ZPBP: variants seen among roughly 807,000 people sequenced by gnomAD.
The protein encoded by ZPBP is zona pellucida binding protein.
In ZPBP, 26 loss-of-function variants were observed where a neutral mutation model predicts 44.8. That is an observed-to-expected ratio of 0.58 (90% confidence interval 0.43 to 0.81). ZPBP has a LOEUF of 0.81. ZPBP is among the 30% of genes least tolerant of loss of function. The pLI, the probability that ZPBP is intolerant of heterozygous loss-of-function variation, is 0.00. For synonymous variants in ZPBP, 174 were observed against 153.2 expected (o/e 1.14, Z -1.00); for missense variants, 409 against 434.0 (o/e 0.94, Z 0.51).
At chr7:50,027,711 C>G (rs1249769180) in intron 5 of ZPBP, among the ~76,000 whole-genome samples, 1 of 151,790 alleles carries the variant, frequency 6.6e-6, no homozygotes, top group Non-Finnish European at 1.5e-5. Flanking sequence ...CAAACATTCA[C>G]ATAGAGAAAT....
intron 3 of ZPBP, among the ~76,000 whole-genome samples, chr7:50,070,899 C>T (rs1801801459): frequency 6.6e-6 from 1 of 152,148 alleles, no homozygotes; most frequent in Admixed American, 6.5e-5. Context: ...GCTAGAAAAA[C>T]AGGGTCTTCA....
intron 7 of ZPBP, among the ~76,000 whole-genome samples, chr7:49,973,979 C>G (rs1209181114): frequency 6.6e-6 from 1 of 152,028 alleles, no homozygotes; most frequent in Non-Finnish European, 1.5e-5. Flanking sequence ...GAATTTAGTT[C>G]TCATACAGGC....
chr7:49,923,942 G>A (rs1486623257), intron 1 of ZPBP, among the ~76,000 whole-genome samples: 1 of 152,142 alleles, frequency 6.6e-6, no homozygotes, highest in Non-Finnish European at 1.5e-5. Context: ...TGGCCAACAT[G>A]GCGAAGCCCC....
intron 7 of ZPBP, chr7:49,942,460 T>A (rs1794929278): frequency 6.5e-6 from 1 of 154,392 alleles, no homozygotes; most frequent in South Asian, 2.0e-4. Context: ...GTGTTCTGCT[T>A]ATTTCCTTTT....
intron 7 of ZPBP, among the ~76,000 whole-genome samples, chr7:49,970,687 C>T (rs1796265474): frequency 6.6e-6 from 1 of 151,166 alleles, no homozygotes; most frequent in East Asian, 1.9e-4. Context: ...GGACATTAAA[C>T]AATACAATCA....
At chr7:49,953,364 T>C (rs1389056872) in intron 7 of ZPBP, among the ~76,000 whole-genome samples, 2 of 152,118 alleles carry the variant, frequency 1.3e-5, no homozygotes, top group Non-Finnish European at 1.5e-5. Context: ...TCTATTTTGA[T>C]AGCAATAGAG....
At chr7:49,898,178 GTA>G (rs1426051057) in intron 2 of ZPBP, among the ~76,000 whole-genome samples, 2 of 151,710 alleles carry the variant, frequency 1.3e-5, no homozygotes, top group African/African-American at 4.8e-5. Flanking sequence ...ATGTGTGTGT[GTA>G]TATATGTGTG....
intron 2 of ZPBP, among the ~76,000 whole-genome samples, chr7:49,861,184 C>A (rs1047519660): frequency 6.6e-6 from 1 of 152,126 alleles, no homozygotes; most frequent in African/African-American, 2.4e-5. Flanking sequence ...TTTTATTCTT[C>A]GTTATTGCTA....
chr7:49,908,068 T>C (rs549298649), intron 1 of ZPBP, among the ~76,000 whole-genome samples: 2 of 152,316 alleles, frequency 1.3e-5, no homozygotes, highest in African/African-American at 4.8e-5. Context: ...GTCAAAGAAA[T>C]ATATTTTGGG....
intron 6 of ZPBP, among the ~76,000 whole-genome samples, chr7:50,010,444 A>T (rs1798517508): frequency 6.6e-6 from 1 of 152,146 alleles, no homozygotes; most frequent in African/African-American, 2.4e-5. Flanking sequence ...AATAATCTTT[A>T]GCTTAAATCT....
chr7:50,030,932 T>C (rs190692384), intron 5 of ZPBP, among the ~76,000 whole-genome samples, 160 bp downstream of exon 5: 1 of 152,284 alleles, frequency 6.6e-6, no homozygotes. Flanking sequence ...AGAATTCTAT[T>C]TGAGGGGTTA....
intron 4 of ZPBP, among the ~76,000 whole-genome samples, chr7:50,035,700 TAC>T (rs767898960): frequency 1.3e-5 from 2 of 152,194 alleles, no homozygotes. Flanking sequence ...TTATAAGTGA[TAC>T]AGTTTTTTAC....
At chr7:49,974,422 C>G (rs116670487) in intron 7 of ZPBP, among the ~76,000 whole-genome samples, 1 of 151,518 alleles carries the variant, frequency 6.6e-6, no homozygotes, top group African/African-American at 2.4e-5. Context: ...AGAAACTGCT[C>G]AAAAAATAAT....
chr7:49,881,156 C>A (rs1332157574), intron 2 of ZPBP, among the ~76,000 whole-genome samples: 1 of 152,124 alleles, frequency 6.6e-6, no homozygotes. Context: ...TTGTCCTGAG[C>A]CTTCGGGGCT....
At chr7:50,056,099 G>T (rs1800924587) in intron 4 of ZPBP, 1 of 152,148 alleles carries the variant, frequency 6.6e-6, no homozygotes, top group African/African-American at 2.4e-5. Flanking sequence ...CACCCTTGCT[G>T]TCAAAGTAAT....
intron 3 of ZPBP, among the ~76,000 whole-genome samples, chr7:50,068,366 C>A (rs1484598820): frequency 6.6e-6 from 1 of 151,986 alleles, no homozygotes; most frequent in African/African-American, 2.4e-5. Context: ...CACTTTATAG[C>A]CTGTCTTTCA....
intron 2 of ZPBP, among the ~76,000 whole-genome samples, chr7:49,862,019 T>G (rs962239272): frequency 6.6e-6 from 1 of 152,194 alleles, no homozygotes; most frequent in African/African-American, 2.4e-5. Flanking sequence ...TAAAAAATGG[T>G]TGTTGGAATT....
chr7:49,985,293 T>G (rs1417486287), intron 6 of ZPBP, among the ~76,000 whole-genome samples: 1 of 151,758 alleles, frequency 6.6e-6, no homozygotes, highest in Non-Finnish European at 1.5e-5. Flanking sequence ...TTTCAAAATG[T>G]GGTGATATTT....
At chr7:49,894,239 C>A (rs1038003443) in intron 2 of ZPBP, among the ~76,000 whole-genome samples, 2 of 152,348 alleles carry the variant, frequency 1.3e-5, no homozygotes, top group East Asian at 1.9e-4. Flanking sequence ...TCACCTCAGC[C>A]TCGACCACCC....
Sources: gnomAD v4.1 joint callset for allele counts (sites outside exome capture counted in the v4.1 genomes callset) on GRCh38, gnomAD v4.1.1 for gene constraint, MANE v1.5 for transcripts, NCBI Gene and HGNC (gene_info 2026-07-23, HGNC 2026-07-21) for gene names.